RTN1: variants seen among roughly 807,000 people sequenced by gnomAD.
The protein encoded by RTN1 is reticulon 1, also known as reticulon-1.
In RTN1, 25 loss-of-function variants were observed where a neutral mutation model predicts 65.5. That is an observed-to-expected ratio of 0.38 (90% CI 0.28 to 0.53). The LOEUF (loss-of-function observed/expected upper bound fraction) is 0.53, where lower values mean the gene tolerates loss of function less well. RTN1 is among the 20% of genes least tolerant of loss of function. The pLI, the probability that RTN1 is intolerant of heterozygous loss-of-function variation, is 0.79. For synonymous variants in RTN1, 471 were observed against 447.6 expected (o/e 1.05, Z -0.66); for missense variants, 983 against 1,025.4 (o/e 0.96, Z 0.57).
At chr14:59,749,772 T>C (rs1221316340) in intron 1 of RTN1, among the ~76,000 whole-genome samples, 1 of 106,414 alleles carries the variant, frequency 9.4e-6, no homozygotes, top group Non-Finnish European at 1.6e-5. Context: ...TATCTATATG[T>C]ATATTTATAT....
intron 1 of RTN1, among the ~76,000 whole-genome samples, chr14:59,763,077 G>A (rs1885779976): frequency 6.6e-6 from 1 of 152,078 alleles, no homozygotes; most frequent in East Asian, 1.9e-4. Context: ...CATAAACCTG[G>A]AATTCAGGAC....
chr14:59,855,190 T>A (rs1887582563), intron 1 of RTN1, among the ~76,000 whole-genome samples: 1 of 152,230 alleles, frequency 6.6e-6, no homozygotes. Context: ...GTCTAAACAT[T>A]CCTGTGCTAC....
At chr14:59,741,536 A>G (rs2139501600) in intron 2 of RTN1, among the ~76,000 whole-genome samples, 1 of 152,368 alleles carries the variant, frequency 6.6e-6, no homozygotes, top group South Asian at 2.1e-4. Flanking sequence ...GTAATGGAAC[A>G]ATGCCTGATG....
intron 3 of RTN1, among the ~76,000 whole-genome samples, chr14:59,671,248 T>G (rs1883497647): frequency 6.6e-6 from 1 of 152,192 alleles, no homozygotes; most frequent in African/African-American, 2.4e-5. Flanking sequence ...TTTAAAAAAA[T>G]TATAGTTTTA....
At chr14:59,797,081 A>G (rs1264457272) in intron 1 of RTN1, among the ~76,000 whole-genome samples, 1 of 152,158 alleles carries the variant, frequency 6.6e-6, no homozygotes, top group Non-Finnish European at 1.5e-5. Flanking sequence ...TCCTTCCATC[A>G]TTGTTGGAAT....
At position 59,868,066 on chromosome 14, in the gene RTN1, C is replaced by A. The variant is rs1887828611; in HGVS notation, c.241+2324G>T. On this transcript the variant is annotated intron_variant, in intron 1 of 8. Coordinates refer to ENST00000267484, the MANE Select transcript of RTN1 (RefSeq NM_021136.3). This position sits in a 1 kb window ranked among gnomAD's most constrained non-coding sequence, Gnocchi z 4.0. ...CATCTCTGATACAATTGAGGGCTCA[C>A]CTGCTAACTTTGCTTATAGCAATAG... Among the ~76,000 whole-genome samples, 1 of 152,210 alleles carries A rather than the reference C, an allele frequency of 6.6e-6. No homozygotes were observed. Among genetic ancestry groups the A allele is most frequent in the Non-Finnish European group, 1.5e-5 (1 of 68,032 alleles).
At chr14:59,815,501 T>C (rs1481052165) in intron 1 of RTN1, among the ~76,000 whole-genome samples, 3 of 152,222 alleles carry the variant, frequency 2.0e-5, no homozygotes, top group African/African-American at 4.8e-5. Flanking sequence ...GTGCTTTCTC[T>C]TCACAAGATT....
chr14:59,744,849 T>C (rs1317582400), intron 2 of RTN1, among the ~76,000 whole-genome samples: 1 of 152,134 alleles, frequency 6.6e-6, no homozygotes, highest in East Asian at 1.9e-4. Context: ...GCCAGTGTGC[T>C]CTCCTCATAA....
At position 59,870,569 on chromosome 14, in the gene RTN1, C is replaced by A. The variant is rs1472859330; in HGVS notation, c.62G>T (p.Trp21Leu). The A allele has an allele frequency of 6.9e-7, 1 of 1,455,372 alleles. No individual in the cohort carries two copies. The highest frequency in any genetic ancestry group is 3.1e-5 in the East Asian group (1 of 32,668). The allele number at this position is 1,455,372 out of a possible 1,614,324, so 90.2% of individuals were successfully genotyped here. A position where few individuals can be genotyped will look rare whatever the true frequency, so the allele number is the denominator to read the frequency against. ...CTCCCCCTCCCCCCGGTGCCTGAGC[C>A]ACTGGGACCCGGGGCCGGCCAGCGG... is the stretch of plus-strand genomic sequence containing the variant. ...LLPLAGPGSQ[W>L]LRHRGEGENE... Residue 21 changes from tryptophan (W) to leucine (L), a missense_variant, in exon 1 of 9, where the codon TGG becomes TTG. Around this residue, in one of 2 missense-constraint regions of RTN1, gnomAD observed 818 missense variants for 801.8 expected, o/e 1.02. Coordinates refer to ENST00000267484, the MANE Select transcript of RTN1 (RefSeq NM_021136.3). This position sits in a 1 kb window ranked among gnomAD's most constrained non-coding sequence, Gnocchi z 5.1.
At chr14:59,864,983 A>C (rs1390456812) in intron 1 of RTN1, among the ~76,000 whole-genome samples, 1 of 152,202 alleles carries the variant, frequency 6.6e-6, no homozygotes, top group Non-Finnish European at 1.5e-5. Flanking sequence ...ATTAAAGAGC[A>C]TGCTTTCTAT....
intron 1 of RTN1, among the ~76,000 whole-genome samples, chr14:59,864,291 G>A (rs1295690285): frequency 2.0e-5 from 3 of 151,996 alleles, no homozygotes; most frequent in Non-Finnish European, 4.4e-5. Context: ...CCTTCAATGT[G>A]CTAGGCACAC....
chr14:59,847,072 C>A (rs892002447), intron 1 of RTN1, among the ~76,000 whole-genome samples: 11 of 152,216 alleles, frequency 7.2e-5, no homozygotes, highest in Admixed American at 5.2e-4. Flanking sequence ...TTGCTAATTT[C>A]TCATGCTTTA....
chr14:59,801,347 A>G (rs1022153075), intron 1 of RTN1, among the ~76,000 whole-genome samples: 2 of 152,182 alleles, frequency 1.3e-5, no homozygotes, highest in Non-Finnish European at 2.9e-5. Flanking sequence ...AAAATCTTCA[A>G]GACAAGGAAA....
In RTN1 at chr14:59,727,224, G is replaced by C. The variant is rs1047772553; in HGVS notation, c.1460C>G (p.Ser487Ter). Residue 487 changes from serine to a stop codon, truncating the protein, a stop_gained, in exon 3 of 9, where the codon TCA becomes TGA. Coordinates refer to ENST00000267484, the MANE Select transcript of RTN1 (RefSeq NM_021136.3). LOFTEE classifies it high-confidence loss of function. This position sits in a 1 kb window ranked among gnomAD's most constrained non-coding sequence, Gnocchi z 4.2. ...CAGGGCGCTGGGCTTCATCGGGGGTGAGTCCTGCTCCCGCTTGGGGCTCTC... is the reference window on the plus strand; with the variant it reads ...CAGGGCGCTGGGCTTCATCGGGGGTCAGTCCTGCTCCCGCTTGGGGCTCTC... ...SEESPKREQD[S>*]PPMKPSALDA... The C allele has an allele frequency of 6.4e-7, 1 of 1,565,614 alleles. No individual in the cohort carries two copies. Among genetic ancestry groups the C allele is most frequent in the South Asian group, 1.2e-5 (1 of 84,546 alleles).
chr14:59,749,310 ATATATATATC>A (rs1391785978), intron 1 of RTN1, among the ~76,000 whole-genome samples: 798 of 30,598 alleles, frequency 0.026, 210 homozygotes, highest in African/African-American at 0.12. Context: ...ATATATATCT[ATATATATATC>A]TATATATCTA....
rs115501978 is a variant in RTN1, at chr14:59,817,344, C to T, written c.241+53046G>A. On this transcript the variant is annotated intron_variant, in intron 1 of 8. Coordinates refer to ENST00000267484, the MANE Select transcript of RTN1 (RefSeq NM_021136.3). ...AAGACGATGCTTGATAGGGGGAAAA[C>T]TGCATTTTTTAAAAAAGACACTAAA... 2.8e-3 allele frequency among the ~76,000 whole-genome samples: 428 copies of T among 152,266 alleles called. 3 individuals carry two copies. The highest frequency in any genetic ancestry group is 9.8e-3 in the African/African-American group (406 of 41,536).
chr14:59,776,474 C>T (rs1468906581), intron 1 of RTN1, among the ~76,000 whole-genome samples: 1 of 152,112 alleles, frequency 6.6e-6, no homozygotes, highest in Non-Finnish European at 1.5e-5. Flanking sequence ...ACTTCCCAGC[C>T]TCTACAACTA....
intron 3 of RTN1, chr14:59,610,074 G>A (rs1390514871): frequency 2.6e-6 from 2 of 769,866 alleles, no homozygotes; most frequent in South Asian, 2.8e-5. Flanking sequence ...AGAGAAGATA[G>A]AATTTGCTAT....
chr14:59,817,015 C>T (rs1043663102), intron 1 of RTN1, among the ~76,000 whole-genome samples: 2 of 151,854 alleles, frequency 1.3e-5, no homozygotes, highest in African/African-American at 4.8e-5. Context: ...CTAAGCATGA[C>T]AAATAGTGCC....
Sources: gnomAD v4.1 joint callset for allele counts (sites outside exome capture counted in the v4.1 genomes callset) on GRCh38, gnomAD v4.1.1 for gene constraint, gnomAD v4.1.1 regional missense constraint, Gnocchi (gnomAD v3.1) non-coding constraint, MANE v1.5 for transcripts, NCBI Gene and HGNC (gene_info 2026-07-23, HGNC 2026-07-21) for gene names.